Variants in DPP10 observed in about 807,000 individuals in gnomAD.
The protein encoded by DPP10 is inactive dipeptidyl peptidase 10.
In DPP10, 33 loss-of-function variants were observed where a neutral mutation model predicts 120.9. The ratio of observed to expected loss-of-function variants is 0.27; its 90% CI spans 0.21 to 0.37. The LOEUF is 0.37. Ranked by LOEUF, DPP10 falls within the 10% of genes least tolerant of loss-of-function variation. DPP10 has a pLI of 1.00. For missense variants in DPP10, 816 were observed against 942.8 expected (o/e 0.87, Z 1.76); for synonymous variants, 337 against 326.1 (o/e 1.03, Z -0.36).
In DPP10 at chr2:114,601,155, C is replaced by A. The variant is rs1573763275; in HGVS notation, c.60+158317C>A. ...ATCTTATTCAGTATTTACTAGATAG[C>A]TGATACATGCTTGGCACTCTAATGA... On this transcript the variant is annotated intron_variant, in intron 1 of 25. Transcript: ENST00000410059. Among the ~76,000 whole-genome samples the A allele has an allele frequency of 4.6e-5, 7 of 151,956 alleles. No homozygotes were observed. The South Asian group carries it at 1.2e-3, about 27-fold the overall frequency.
intron 1 of DPP10, among the ~76,000 whole-genome samples, chr2:114,817,109 C>G (rs1343282941): frequency 4.6e-5 from 7 of 152,092 alleles, no homozygotes; most frequent in Non-Finnish European, 1.0e-4. Context: ...TTTAATAAGA[C>G]CAGCCATTCA....
chr2:114,510,051 G>T (rs537102931), intron 1 of DPP10, among the ~76,000 whole-genome samples: 2 of 152,166 alleles, frequency 1.3e-5, no homozygotes, highest in Non-Finnish European at 2.9e-5. Context: ...CAGAAAAGGA[G>T]AAAGCTGGCT....
chr2:115,350,618 C>T (rs138117798), intron 3 of DPP10, among the ~76,000 whole-genome samples: 19 of 152,150 alleles, frequency 1.2e-4, no homozygotes, highest in Admixed American at 2.6e-4. Context: ...CAGAGAGGAG[C>T]GTGAGGTTAC....
chr2:114,778,879 A>G (rs1291537591), intron 1 of DPP10, among the ~76,000 whole-genome samples: 2 of 152,144 alleles, frequency 1.3e-5, no homozygotes, highest in Non-Finnish European at 2.9e-5. Context: ...TAATTGACCG[A>G]AAGACAAAGC....
At chr2:115,393,462 C>T (rs1294119485) in intron 3 of DPP10, among the ~76,000 whole-genome samples, 1 of 152,176 alleles carries the variant, frequency 6.6e-6, no homozygotes, top group Non-Finnish European at 1.5e-5. Context: ...AGCCACCTTC[C>T]ACTTCTGCAG....
chr2:114,945,553 T>G (rs1697281545), intron 1 of DPP10, among the ~76,000 whole-genome samples: 1 of 152,014 alleles, frequency 6.6e-6, no homozygotes, highest in Non-Finnish European at 1.5e-5. Context: ...GGTGGCTCAA[T>G]CCTGTAATCC....
intron 1 of DPP10, among the ~76,000 whole-genome samples, chr2:114,710,457 AG>A (rs1317718687): frequency 6.6e-6 from 1 of 152,220 alleles, no homozygotes; most frequent in Non-Finnish European, 1.5e-5. Context: ...ATAGAATAAA[AG>A]CACAGGCCGG....
intron 3 of DPP10, among the ~76,000 whole-genome samples, chr2:115,371,168 T>A (rs2065382928): frequency 2.6e-5 from 4 of 152,154 alleles, no homozygotes; most frequent in Admixed American, 1.3e-4. Context: ...AACTCTTAGG[T>A]TTACCTTAGT....
At chr2:115,541,537 C>T (rs940343241) in intron 5 of DPP10, among the ~76,000 whole-genome samples, 5 of 151,434 alleles carry the variant, frequency 3.3e-5, no homozygotes, top group Non-Finnish European at 5.9e-5. Flanking sequence ...ACCTTTTATG[C>T]GTTATTAGTT....
At chr2:114,683,117 A>G (rs1383256821) in intron 1 of DPP10, among the ~76,000 whole-genome samples, 1 of 151,964 alleles carries the variant, frequency 6.6e-6, no homozygotes, top group Non-Finnish European at 1.5e-5. Context: ...TGTTTCCTTG[A>G]ATCGTCTTGG....
intron 1 of DPP10, among the ~76,000 whole-genome samples, chr2:114,516,285 A>C (rs1327927126): frequency 6.6e-6 from 1 of 152,188 alleles, no homozygotes; most frequent in Non-Finnish European, 1.5e-5. Flanking sequence ...AATTGTGATG[A>C]GGTTGAAAGG....
intron 1 of DPP10, among the ~76,000 whole-genome samples, chr2:114,685,211 C>G (rs773008213): frequency 1.3e-5 from 2 of 151,922 alleles, no homozygotes; most frequent in African/African-American, 2.4e-5. Context: ...ACCCTGCTCA[C>G]CAACTCACTC....
In DPP10 at chr2:114,548,362, A is replaced by G. The variant is rs79526508; in HGVS notation, c.60+105524A>G. 0.012 allele frequency among the ~76,000 whole-genome samples: 1,788 copies of G among 152,274 alleles called. 157 individuals are homozygous for G. The East Asian group carries it at 0.23, about 20-fold the overall frequency. ...AAAATTCCAGTGACACAGCCTCAAA[A>G]TTAGTAACACAGAGATGGGGGTGTT... On this transcript the variant is annotated intron_variant, in intron 1 of 25. Transcript: ENST00000410059.
chr2:115,672,882 G>C (rs1369651380), intron 5 of DPP10, among the ~76,000 whole-genome samples: 1 of 151,560 alleles, frequency 6.6e-6, no homozygotes, highest in African/African-American at 2.4e-5. Flanking sequence ...GAGTAGCTGG[G>C]ACTACATGCA....
intron 10 of DPP10, among the ~76,000 whole-genome samples, chr2:115,748,069 C>T (rs1460771985): frequency 1.3e-5 from 2 of 151,952 alleles, no homozygotes; most frequent in African/African-American, 4.8e-5. Context: ...TAATAACATA[C>T]TTTCTTCATG....
intron 1 of DPP10, among the ~76,000 whole-genome samples, chr2:114,453,645 A>T (rs758294369): frequency 1.6e-4 from 24 of 152,242 alleles, no homozygotes; most frequent in Admixed American, 3.9e-4. Flanking sequence ...TTGTGGTTAG[A>T]TATGCAACAG....
chr2:115,486,924 A>C (rs2075812617), intron 3 of DPP10, among the ~76,000 whole-genome samples: 1 of 152,176 alleles, frequency 6.6e-6, no homozygotes, highest in Non-Finnish European at 1.5e-5. Context: ...TACCATTCAT[A>C]GGATCGGCAC....
intron 3 of DPP10, chr2:115,468,216 C>G (rs2074453552): frequency 2.0e-6 from 1 of 499,082 alleles, no homozygotes; most frequent in Non-Finnish European, 4.0e-6. Flanking sequence ...CTGAAGAGGA[C>G]TCAGGAGAAG....
At chr2:115,148,089 G>A (rs1219927232) in intron 1 of DPP10, among the ~76,000 whole-genome samples, 2 of 152,150 alleles carry the variant, frequency 1.3e-5, no homozygotes, top group East Asian at 1.9e-4. Context: ...TTTTAAACAA[G>A]CCTGTCACTG....
Sources: gnomAD v4.1 joint callset for allele counts (sites outside exome capture counted in the v4.1 genomes callset) on GRCh38, gnomAD v4.1.1 for gene constraint, MANE v1.5 for transcripts, NCBI Gene and HGNC (gene_info 2026-07-23, HGNC 2026-07-21) for gene names.